Variants in CADM1 observed in about 807,000 individuals in gnomAD.
The protein encoded by CADM1 is TSLC-1.
Under a neutral mutation model 53.1 loss-of-function variants are expected in CADM1, and 15 were observed. That is an observed-to-expected ratio of 0.28 (90% CI 0.19 to 0.44). The LOEUF is 0.44. CADM1 is among the 20% of genes least tolerant of loss of function. The pLI is 1.00. For synonymous variants in CADM1, 281 were observed against 243.0 expected (o/e 1.16, Z -1.45); for missense variants, 434 against 611.3 (o/e 0.71, Z 3.06).
At chr11:115,420,872 G>T (rs929154087) in intron 1 of CADM1, among the ~76,000 whole-genome samples, 1 of 152,118 alleles carries the variant, frequency 6.6e-6, no homozygotes, top group African/African-American at 2.4e-5. Flanking sequence ...GTCTTACACT[G>T]GTTCTTGGAA....
chr11:115,230,507 G>C (rs1423359504), intron 4 of CADM1, among the ~76,000 whole-genome samples: 1 of 152,188 alleles, frequency 6.6e-6, no homozygotes, highest in East Asian at 1.9e-4. Flanking sequence ...GGGTAACTTT[G>C]AAAAGGAAGG....
At chr11:115,228,626 T>C (rs979873873) in intron 5 of CADM1, among the ~76,000 whole-genome samples, 2 of 152,174 alleles carry the variant, frequency 1.3e-5, no homozygotes, top group African/African-American at 4.8e-5. Flanking sequence ...CTTTTATTGA[T>C]GAAGCCATCA....
intron 1 of CADM1, among the ~76,000 whole-genome samples, chr11:115,275,679 G>T (rs1943425307): frequency 6.6e-6 from 1 of 152,164 alleles, no homozygotes; most frequent in South Asian, 2.1e-4. Flanking sequence ...ATTTTAGAGG[G>T]GTTGGAGGGG....
chr11:115,496,143 T>C (rs541594926), intron 1 of CADM1, among the ~76,000 whole-genome samples: 3 of 152,140 alleles, frequency 2.0e-5, no homozygotes, highest in African/African-American at 7.2e-5. Context: ...TTCACGAAAA[T>C]CATGGCCATA....
At chr11:115,238,756 AC>A in intron 2 of CADM1, 104 bp from the exon 3 acceptor site, 4 of 1,263,484 alleles carry the variant, frequency 3.2e-6, no homozygotes, top group Non-Finnish European at 4.5e-6. Flanking sequence ...TTCTTGACTT[AC>A]TATTTTGGGT....
At chr11:115,362,799 T>C (rs1008934488) in intron 1 of CADM1, among the ~76,000 whole-genome samples, 2 of 152,220 alleles carry the variant, frequency 1.3e-5, no homozygotes, top group African/African-American at 4.8e-5. Flanking sequence ...TTTATACTTA[T>C]AACCCCAAAG....
At chr11:115,267,942 C>T (rs550015974) in intron 1 of CADM1, among the ~76,000 whole-genome samples, 5 of 152,126 alleles carry the variant, frequency 3.3e-5, no homozygotes, top group South Asian at 2.1e-4. Flanking sequence ...AAATAGGGTT[C>T]GTCTTGTTAG....
At chr11:115,304,402 A>G (rs1392221967) in intron 1 of CADM1, among the ~76,000 whole-genome samples, 1 of 152,078 alleles carries the variant, frequency 6.6e-6, no homozygotes, top group South Asian at 2.1e-4. Flanking sequence ...AATTAAATCC[A>G]TCATGGTCTT....
chr11:115,300,934 A>G (rs1480080345), intron 1 of CADM1, among the ~76,000 whole-genome samples: 1 of 152,050 alleles, frequency 6.6e-6, no homozygotes, highest in Non-Finnish European at 1.5e-5. Flanking sequence ...TTCTCTAACC[A>G]TCTATGAAGC....
At chr11:115,341,352 A>G (rs1245134320) in intron 1 of CADM1, among the ~76,000 whole-genome samples, 1 of 152,196 alleles carries the variant, frequency 6.6e-6, no homozygotes. Flanking sequence ...AAAACTCAGT[A>G]AACAATTAGT....
chr11:115,263,486 C>A (rs1943037717), intron 1 of CADM1, among the ~76,000 whole-genome samples: 1 of 152,184 alleles, frequency 6.6e-6, no homozygotes, highest in South Asian at 2.1e-4. Context: ...GAAATTACTT[C>A]AGTGTTCAAG....
At chr11:115,294,612 C>T (rs1943998164) in intron 1 of CADM1, among the ~76,000 whole-genome samples, 1 of 152,210 alleles carries the variant, frequency 6.6e-6, no homozygotes, top group Non-Finnish European at 1.5e-5. Context: ...TGTGGCTATT[C>T]TTCTGAGGGT....
intron 5 of CADM1, among the ~76,000 whole-genome samples, chr11:115,218,463 A>G (rs1157637613): frequency 6.6e-6 from 1 of 152,204 alleles, no homozygotes; most frequent in Non-Finnish European, 1.5e-5. Context: ...GGCAGACTGA[A>G]TGACTTTAAG....
At chr11:115,453,913 T>G (rs1231207565) in intron 1 of CADM1, among the ~76,000 whole-genome samples, 4 of 152,204 alleles carry the variant, frequency 2.6e-5, no homozygotes, top group Non-Finnish European at 5.9e-5. Context: ...CTGGCACTTT[T>G]GGGAATGGAT....
intron 10 of CADM1, among the ~76,000 whole-genome samples, chr11:115,181,912 C>T (rs182916579): frequency 5.3e-5 from 8 of 152,296 alleles, no homozygotes; most frequent in South Asian, 4.1e-4. Flanking sequence ...CTACTGGAGT[C>T]GCACGAAAAC....
intron 1 of CADM1, among the ~76,000 whole-genome samples, chr11:115,268,835 T>C (rs1477470850): frequency 1.3e-5 from 2 of 151,928 alleles, no homozygotes; most frequent in African/African-American, 4.8e-5. Context: ...TTGTACAGAG[T>C]ACAAGGAATT....
chr11:115,449,098 C>G (rs1468860752), intron 1 of CADM1, among the ~76,000 whole-genome samples: 1 of 152,072 alleles, frequency 6.6e-6, no homozygotes, highest in Non-Finnish European at 1.5e-5. Flanking sequence ...AAGAGCTAAC[C>G]CCCATCTTAA....
chr11:115,338,011 G>C (rs1020213424), intron 1 of CADM1, among the ~76,000 whole-genome samples: 1 of 152,062 alleles, frequency 6.6e-6, no homozygotes, highest in Admixed American at 6.6e-5. Context: ...TGGGTATCTC[G>C]GGTTGTAAAA....
At chr11:115,208,353 A>G (rs978053405) in intron 8 of CADM1, among the ~76,000 whole-genome samples, 10 of 152,216 alleles carry the variant, frequency 6.6e-5, no homozygotes, top group African/African-American at 2.4e-4. Context: ...TGTATATTCT[A>G]TCAACTGATG....
Sources: gnomAD v4.1 joint callset for allele counts (sites outside exome capture counted in the v4.1 genomes callset) on GRCh38, gnomAD v4.1.1 for gene constraint, MANE v1.5 for transcripts, NCBI Gene and HGNC (gene_info 2026-07-23, HGNC 2026-07-21) for gene names.